Variants in RUNDC3B observed in about 807,000 individuals in gnomAD.
The protein encoded by RUNDC3B is RUN domain-containing protein 3B.
RUNDC3B carries 33 observed loss-of-function variants against 58.4 expected under a neutral mutation model. The observed-to-expected ratio is 0.56, with a 90% confidence interval of 0.43 to 0.75. The LOEUF (loss-of-function observed/expected upper bound fraction) is 0.75. Among genes scored for constraint, RUNDC3B ranks in the 30% least tolerant of loss-of-function variants. The pLI, the probability that RUNDC3B is intolerant of heterozygous loss-of-function variation, is 0.00. For synonymous variants in RUNDC3B, 193 were observed against 195.2 expected, an observed-to-expected ratio of 0.99 and a Z score of 0.10; for missense variants, 501 against 535.7, an observed-to-expected ratio of 0.94 and a Z score of 0.64.
chr7:87,676,974 TAAC>T (rs1826431796), intron 2 of RUNDC3B, among the ~76,000 whole-genome samples: 1 of 152,032 alleles, frequency 6.6e-6, no homozygotes, highest in Non-Finnish European at 1.5e-5. Context: ...AATCAAAAGA[TAAC>T]AAGTGTTGGC....
rs538207547 is a variant in RUNDC3B, at chr7:87,811,195, G to A, written c.1103+3676G>A. On this transcript the variant is annotated intron_variant, in intron 9 of 10. Coordinates refer to ENST00000394654, the MANE Select transcript of RUNDC3B (RefSeq NM_001134405.2). The stretch of plus-strand genomic sequence containing the variant: ...ATTCTTATCCCAAAAGATCAGATTC[G>A]TTGTCATCATATTTATATTTTCTAC... Among the ~76,000 whole-genome samples the A allele has an allele frequency of 4.6e-5, 7 of 151,926 alleles. No individual in the cohort carries two copies. The South Asian group carries it at 8.3e-4, about 18-fold the overall frequency.
intron 1 of RUNDC3B, among the ~76,000 whole-genome samples, chr7:87,635,389 T>C (rs1276225565): frequency 6.6e-6 from 1 of 152,214 alleles, no homozygotes; most frequent in African/African-American, 2.4e-5. Context: ...TGTGAAGACT[T>C]CTGTGAGAAA....
Position 87,830,816 on chromosome 7 carries a change from C to A in RUNDC3B, c.*786C>A, listed in dbSNP as rs1471889083. 3.3e-5 allele frequency: 5 copies of A among 151,606 alleles called. No homozygotes were observed. The highest frequency in any genetic ancestry group is 9.7e-5 in the African/African-American group (4 of 41,432). The allele number at this position is 151,606 out of a possible 1,614,324, so 9.4% of individuals were successfully genotyped here. ...ACTAGAAACATTTCAAAATGTAGAA[C>A]AAACGTTGAAAAATTGTTTTGCCAG... is the stretch of plus-strand genomic sequence containing the variant. On this transcript the variant is annotated 3_prime_UTR_variant, in exon 11 of 11. Coordinates refer to ENST00000394654, the MANE Select transcript of RUNDC3B (RefSeq NM_001134405.2).
At chr7:87,791,635 A>G (rs1448623329) in intron 8 of RUNDC3B, among the ~76,000 whole-genome samples, 1 of 152,164 alleles carries the variant, frequency 6.6e-6, no homozygotes, top group East Asian at 1.9e-4. Context: ...TTATGTAATG[A>G]ATGTCATCAG....
At chr7:87,727,553 A>T (rs1274887038) in intron 4 of RUNDC3B, among the ~76,000 whole-genome samples, 2 of 152,084 alleles carry the variant, frequency 1.3e-5, no homozygotes, top group Non-Finnish European at 2.9e-5. Context: ...TAGGCAAATT[A>T]AATACCTGAT....
At chr7:87,724,317 A>G (rs1831087044) in intron 4 of RUNDC3B, among the ~76,000 whole-genome samples, 1 of 152,170 alleles carries the variant, frequency 6.6e-6, no homozygotes, top group Non-Finnish European at 1.5e-5. Flanking sequence ...GGATAATGCT[A>G]TGCTAAAAGC....
chr7:87,656,963 C>T (rs1026039641), intron 2 of RUNDC3B, among the ~76,000 whole-genome samples: 4 of 152,006 alleles, frequency 2.6e-5, no homozygotes, highest in Non-Finnish European at 4.4e-5. Flanking sequence ...AACAAAAATC[C>T]CTGCCCTCAT....
chr7:87,765,841 AT>A (rs895593557), intron 6 of RUNDC3B, among the ~76,000 whole-genome samples: 39 of 149,220 alleles, frequency 2.6e-4, no homozygotes, highest in South Asian at 8.5e-4. Context: ...AGTCCAGAGT[AT>A]TTTTTTTTTA....
intron 6 of RUNDC3B, among the ~76,000 whole-genome samples, chr7:87,748,923 G>A (rs1359342607): frequency 6.6e-6 from 1 of 152,166 alleles, no homozygotes; most frequent in Non-Finnish European, 1.5e-5. Context: ...AAATGCAGCA[G>A]GATGATGTTT....
At chr7:87,718,913 G>A (rs1243525130) in intron 4 of RUNDC3B, among the ~76,000 whole-genome samples, 1 of 151,946 alleles carries the variant, frequency 6.6e-6, no homozygotes, top group Non-Finnish European at 1.5e-5. Context: ...AAACAAAAAG[G>A]AAAGCTATTT....
At chr7:87,692,179 G>T (rs1391204386) in intron 2 of RUNDC3B, among the ~76,000 whole-genome samples, 2 of 152,084 alleles carry the variant, frequency 1.3e-5, no homozygotes, top group African/African-American at 2.4e-5. Flanking sequence ...GGCCAGGCAT[G>T]GTGGCTCACA....
chr7:87,670,721 G>T (rs1239089832), intron 2 of RUNDC3B, among the ~76,000 whole-genome samples: 2 of 152,166 alleles, frequency 1.3e-5, no homozygotes, highest in African/African-American at 2.4e-5. Context: ...CTTGACTCTG[G>T]TTTCAGAGGT....
chr7:87,715,430 AATT>A (rs1252070018), intron 4 of RUNDC3B, among the ~76,000 whole-genome samples: 3 of 129,690 alleles, frequency 2.3e-5, no homozygotes, highest in Admixed American at 9.1e-5. Flanking sequence ...TTTAATATAT[AATT>A]ATATTAATAT....
chr7:87,704,645 A>T (rs1004826666), intron 3 of RUNDC3B, among the ~76,000 whole-genome samples: 26 of 152,218 alleles, frequency 1.7e-4, no homozygotes, highest in African/African-American at 4.8e-5. Context: ...ACTGGTATTG[A>T]GAATCAAAAC....
chr7:87,770,545 A>G (rs1312561599), intron 6 of RUNDC3B, 36 bp from the exon 7 acceptor site: 1 of 1,548,264 alleles, frequency 6.5e-7, no homozygotes, highest in Non-Finnish European at 8.8e-7. Flanking sequence ...GTTGGAACAT[A>G]TTTTTAACTT....
chr7:87,789,318 T>C (rs534882874), intron 8 of RUNDC3B, among the ~76,000 whole-genome samples: 2 of 152,350 alleles, frequency 1.3e-5, no homozygotes, highest in Admixed American at 1.3e-4. Flanking sequence ...GAAGTGTCAC[T>C]CATAGTGAAA....
At chr7:87,790,630 C>T (rs1835473154) in intron 8 of RUNDC3B, among the ~76,000 whole-genome samples, 2 of 151,830 alleles carry the variant, frequency 1.3e-5, no homozygotes, top group African/African-American at 4.8e-5. Flanking sequence ...ATAAATTTAA[C>T]AAAGAGATTG....
At chr7:87,685,560 G>T (rs569917007) in intron 2 of RUNDC3B, among the ~76,000 whole-genome samples, 25 of 152,112 alleles carry the variant, frequency 1.6e-4, no homozygotes, top group Non-Finnish European at 2.6e-4. Flanking sequence ...ATACATTATG[G>T]CTAAATGAAA....
chr7:87,666,391 C>A (rs1825254955), intron 2 of RUNDC3B, among the ~76,000 whole-genome samples: 1 of 151,734 alleles, frequency 6.6e-6, no homozygotes, highest in East Asian at 1.9e-4. Flanking sequence ...GGATATTAGA[C>A]CATGCCAGAT....
Sources: gnomAD v4.1 joint callset for allele counts (sites outside exome capture counted in the v4.1 genomes callset) on GRCh38, gnomAD v4.1.1 for gene constraint, MANE v1.5 for transcripts, NCBI Gene and HGNC (gene_info 2026-07-23, HGNC 2026-07-21) for gene names.